The following PDE4D variants were observed in gnomAD, a reference collection of about 807,000 sequenced individuals.
PDE4D encodes the protein phosphodiesterase 4D.
In PDE4D, 24 loss-of-function variants were observed where a neutral mutation model predicts 87.4. That is an observed-to-expected ratio of 0.27 (90% CI 0.20 to 0.39). The LOEUF (loss-of-function observed/expected upper bound fraction) is 0.39. Ranked by LOEUF, PDE4D falls within the 10% of genes least tolerant of loss-of-function variation. The probability of loss-of-function intolerance (pLI) is 1.00; values close to 1 mark genes in which losing one functional copy is unlikely to be tolerated. For synonymous variants in PDE4D, 384 were observed against 383.2 expected, an observed-to-expected ratio of 1.00 and a Z score of -0.02; for missense variants, 714 against 1,041.0, an observed-to-expected ratio of 0.69 and a Z score of 4.32.
chr5:59,519,112 C>T (rs575588513), intron 1 of PDE4D, among the ~76,000 whole-genome samples: 1 of 152,316 alleles, frequency 6.6e-6, no homozygotes, highest in South Asian at 2.1e-4. Flanking sequence ...CTCTTTCTCT[C>T]TCTCCCTCCT....
In PDE4D at chr5:58,992,064, T is replaced by C. The variant is rs1253634541; in HGVS notation, c.1016-60A>G. On this transcript the variant is annotated intron_variant, in intron 7 of 14. Transcript: ENST00000340635. ...TTAATTCTATCTGTTTTATATCATA[T>C]GCATAATTGGAAGGATTATAATTGA... is the stretch of plus-strand genomic sequence containing the variant. 6 of 1,018,730 alleles carry C rather than the reference T, an allele frequency of 5.9e-6. No homozygotes were observed. In the African/African-American group the frequency reaches 1.0e-4, roughly 17 times the overall value. The allele number at this position is 1,018,730 out of a possible 1,614,324, so 63.1% of individuals were successfully genotyped here.
At chr5:59,936,631 A>G (rs918379225) in intron 3 of PDE4D, among the ~76,000 whole-genome samples, 12 of 152,314 alleles carry the variant, frequency 7.9e-5, no homozygotes, top group African/African-American at 2.9e-4. Flanking sequence ...GCCACTCCAT[A>G]GCTGTGAGAA....
chr5:60,100,649 T>G (rs1048102126), intron 2 of PDE4D, among the ~76,000 whole-genome samples: 2 of 152,094 alleles, frequency 1.3e-5, no homozygotes, highest in African/African-American at 2.4e-5. Flanking sequence ...GCTACCACTC[T>G]TCTCAGGGTT....
intron 2 of PDE4D, among the ~76,000 whole-genome samples, chr5:60,146,765 C>T (rs2149432565): frequency 6.6e-6 from 1 of 152,058 alleles, no homozygotes; most frequent in East Asian, 1.9e-4. Flanking sequence ...ATTCAAAATA[C>T]AGAACTCAAT....
intron 5 of PDE4D, among the ~76,000 whole-genome samples, chr5:59,142,597 C>A (rs1482473890): frequency 6.6e-6 from 1 of 152,216 alleles, no homozygotes; most frequent in African/African-American, 2.4e-5. Flanking sequence ...GGAAACCACA[C>A]AAAAGTAGTG....
At chr5:59,172,568 C>T (rs913919802) in intron 5 of PDE4D, among the ~76,000 whole-genome samples, 6 of 150,948 alleles carry the variant, frequency 4.0e-5, no homozygotes, top group Non-Finnish European at 5.9e-5. Flanking sequence ...ATTATGCACA[C>T]GTGGTGGTGC....
At chr5:59,274,569 A>G (rs919233999) in intron 1 of PDE4D, among the ~76,000 whole-genome samples, 2 of 152,128 alleles carry the variant, frequency 1.3e-5, no homozygotes, top group African/African-American at 4.8e-5. Context: ...ATCAATCACT[A>G]AGAAAAACAA....
chr5:59,694,349 C>G (rs1013463786), intron 1 of PDE4D, among the ~76,000 whole-genome samples: 1 of 152,112 alleles, frequency 6.6e-6, no homozygotes, highest in African/African-American at 2.4e-5. Flanking sequence ...GAAGTGAAGT[C>G]AGTAGTTGTG....
chr5:60,311,534 C>A (rs1042926993), intron 1 of PDE4D, among the ~76,000 whole-genome samples: 1 of 152,178 alleles, frequency 6.6e-6, no homozygotes, highest in African/African-American at 2.4e-5. Context: ...TTCATTACCA[C>A]CAGACCTGCA....
intron 5 of PDE4D, among the ~76,000 whole-genome samples, chr5:59,140,317 C>G (rs1049066426): frequency 6.6e-6 from 1 of 152,206 alleles, no homozygotes; most frequent in Non-Finnish European, 1.5e-5. Flanking sequence ...GGTCTAAGAG[C>G]TTTCTTTAGC....
At chr5:59,342,922 AC>A in intron 1 of PDE4D, among the ~76,000 whole-genome samples, 1 of 151,428 alleles carries the variant, frequency 6.6e-6, no homozygotes, top group East Asian at 1.9e-4. Context: ...TAACTCACAT[AC>A]TTTTTTGTGG....
intron 1 of PDE4D, among the ~76,000 whole-genome samples, chr5:60,321,018 C>G (rs570568857): frequency 6.6e-6 from 1 of 152,148 alleles, no homozygotes; most frequent in Non-Finnish European, 1.5e-5. Context: ...GTCAAACTAC[C>G]AATGACATTT....
chr5:59,092,171 T>C (rs933156696), intron 5 of PDE4D, among the ~76,000 whole-genome samples: 2 of 152,202 alleles, frequency 1.3e-5, no homozygotes, highest in Non-Finnish European at 2.9e-5. Flanking sequence ...CATGAATTCA[T>C]TTTCATAATT....
rs563440702 is a variant in PDE4D at position 60,390,076 on chromosome 5, T to C, written c.-90+97866A>G. 3.5e-3 allele frequency among the ~76,000 whole-genome samples: 538 copies of C among 152,364 alleles called. 10 individuals carry two copies. Among genetic ancestry groups the C allele is most frequent in the East Asian group, 0.032 (168 of 5,178 alleles). Reference sequence around the variant, plus strand: ...ACTTCCCGGGGCAAGTGTGTGGCTGTTGCAGCCTACTGCTGCCAATTGGCT... The same window carrying C: ...ACTTCCCGGGGCAAGTGTGTGGCTGCTGCAGCCTACTGCTGCCAATTGGCT... On this transcript the variant is annotated intron_variant, in intron 1 of 16. Coordinates refer to the PDE4D transcript ENST00000502484.
At chr5:59,894,487 G>T (rs1188771744), upstream of PDE4D, among the ~76,000 whole-genome samples, 1 of 152,176 alleles carries the variant, frequency 6.6e-6, no homozygotes. Context: ...CCCACAGCAG[G>T]GAGAATGCCC....
chr5:60,327,307 A>G (rs1456498387), intron 1 of PDE4D, among the ~76,000 whole-genome samples: 1 of 152,204 alleles, frequency 6.6e-6, no homozygotes, highest in African/African-American at 2.4e-5. Context: ...AAGATCAATA[A>G]GAATATTTTA....
chr5:59,694,150 T>C (rs982124600), intron 1 of PDE4D, among the ~76,000 whole-genome samples: 15 of 152,236 alleles, frequency 9.9e-5, no homozygotes, highest in Non-Finnish European at 1.9e-4. Flanking sequence ...ATCTTGGCCA[T>C]GCAGCAGTTT....
At chr5:60,321,063 T>A (rs1756213426) in intron 1 of PDE4D, among the ~76,000 whole-genome samples, 1 of 152,188 alleles carries the variant, frequency 6.6e-6, no homozygotes, top group African/African-American at 2.4e-5. Flanking sequence ...TTAAAATTCA[T>A]ATGGAACCAA....
Position 59,349,509 on chromosome 5 carries a change from G to A in PDE4D, c.456-133541C>T, listed in dbSNP as rs141633944. ...TACTGTCTCTTAAAATCACTTGATG[G>A]GGGCTCATCCACTTCATGACTTAAG... On this transcript the variant is annotated intron_variant, in intron 1 of 14. Transcript: ENST00000340635. Among the ~76,000 whole-genome samples, 637 of 152,144 alleles carry A rather than the reference G, an allele frequency of 4.2e-3. 8 individuals carry two copies. The highest frequency in any genetic ancestry group is 0.015 in the African/African-American group (607 of 41,494).
Sources: gnomAD v4.1 joint callset for allele counts (sites outside exome capture counted in the v4.1 genomes callset) on GRCh38, gnomAD v4.1.1 for gene constraint, MANE v1.5 for transcripts, NCBI Gene and HGNC (gene_info 2026-07-23, HGNC 2026-07-21) for gene names.